The following IL1RAPL2 variants were observed in gnomAD, a reference collection of about 807,000 sequenced individuals.
IL1RAPL2 encodes interleukin 1 receptor accessory protein like 2.
In IL1RAPL2, 3 loss-of-function variants were observed where a neutral mutation model predicts 44.1. The ratio of observed to expected loss-of-function variants is 0.07; its 90% CI spans 0.03 to 0.18. The LOEUF is 0.18. Among genes scored for constraint, IL1RAPL2 ranks in the 10% least tolerant of loss-of-function variants. IL1RAPL2 has a pLI of 1.00. For missense variants in IL1RAPL2, 391 were observed against 496.4 expected (o/e 0.79, Z 2.02); for synonymous variants, 181 against 178.8 (o/e 1.01, Z -0.10).
chrX:105,679,790 T>A (rs2037907460), intron 6 of IL1RAPL2, among the ~76,000 whole-genome samples: 1 of 111,711 alleles, frequency 9.0e-6, no homozygotes, highest in African/African-American at 3.3e-5. Flanking sequence ...GATCAAAAAA[T>A]AAGACATATC....
At chrX:105,238,947 A>G (rs1180870850) in intron 4 of IL1RAPL2, among the ~76,000 whole-genome samples, 7 of 111,707 alleles carry the variant, frequency 6.3e-5, no homozygotes, top group Non-Finnish European at 1.1e-4. Flanking sequence ...TTTTGAGAGA[A>G]TACAGTACAC....
intron 2 of IL1RAPL2, among the ~76,000 whole-genome samples, chrX:104,964,339 T>A (rs1274375144): frequency 9.2e-6 from 1 of 108,559 alleles, no homozygotes; most frequent in Non-Finnish European, 1.9e-5. Flanking sequence ...TGAGATGGAG[T>A]CTCGCTCTAT....
intron 2 of IL1RAPL2, among the ~76,000 whole-genome samples, chrX:104,877,143 G>A (rs374707290): frequency 4.5e-5 from 5 of 111,059 alleles, no homozygotes; most frequent in African/African-American, 1.6e-4. Context: ...TGGACATTTG[G>A]GTTGGTTCCA....
At chrX:105,523,536 T>A (rs1464571521) in intron 6 of IL1RAPL2, among the ~76,000 whole-genome samples, 2 of 111,617 alleles carry the variant, frequency 1.8e-5, no homozygotes, top group Non-Finnish European at 3.8e-5. Context: ...TGTTTTAAAA[T>A]CAACAAACAA....
At chrX:104,983,795 A>G (rs779438219) in intron 2 of IL1RAPL2, among the ~76,000 whole-genome samples, 2 of 107,095 alleles carry the variant, frequency 1.9e-5, no homozygotes, top group Non-Finnish European at 3.8e-5. Context: ...GTTACTTTCT[A>G]TTGATAATAC....
chrX:105,351,710 C>A (rs2035156507), intron 5 of IL1RAPL2, among the ~76,000 whole-genome samples: 1 of 110,473 alleles, frequency 9.1e-6, no homozygotes, highest in East Asian at 2.8e-4. Flanking sequence ...AGCAAACCAC[C>A]ATGGCGCATG....
chrX:104,713,445 TACTCTTGTTTTC>T (rs1339457572), intron 2 of IL1RAPL2, among the ~76,000 whole-genome samples: 4 of 110,970 alleles, frequency 3.6e-5, no homozygotes, highest in Non-Finnish European at 7.6e-5. Flanking sequence ...CCTTCCACCT[TACTCTTGTTTTC>T]ACTCAGGACA....
chrX:104,727,813 C>T (rs1286820216), intron 2 of IL1RAPL2, among the ~76,000 whole-genome samples: 5 of 108,296 alleles, frequency 4.6e-5, no homozygotes, highest in Non-Finnish European at 9.6e-5. Context: ...TTTTTTGCAG[C>T]AACATGGATG....
chrX:104,906,031 A>G lies in IL1RAPL2; in HGVS notation c.82+247036A>G, dbSNP rs1405188404. Among the ~76,000 whole-genome samples, 73 of 109,280 alleles carry G rather than the reference A, an allele frequency of 6.7e-4. 1 individual carries two copies. The East Asian group carries it at 0.019, about 28-fold the overall frequency. The allele number at this position is 109,280 out of a possible 115,157, so 94.9% of individuals were successfully genotyped here. A position where few individuals can be genotyped will look rare whatever the true frequency, so the allele number is the denominator to read the frequency against. ...AAGAGGTCCTTCACATCCCTTGTAA[A>G]TTGGATTCCTAGGTATTTTATTCTC... is the stretch of plus-strand genomic sequence containing the variant. On this transcript the variant is annotated intron_variant, in intron 2 of 10. Transcript: ENST00000372582.
chrX:104,891,761 C>T (rs945722657), intron 2 of IL1RAPL2, among the ~76,000 whole-genome samples: 1 of 111,639 alleles, frequency 9.0e-6, no homozygotes, highest in African/African-American at 3.3e-5. Context: ...TTGACTTCCT[C>T]TTTTCCTAAT....
intron 2 of IL1RAPL2, among the ~76,000 whole-genome samples, chrX:105,121,861 A>G (rs1175639246): frequency 9.0e-6 from 1 of 111,372 alleles, no homozygotes; most frequent in African/African-American, 3.3e-5. Flanking sequence ...TTATAATACT[A>G]ATTGATTTCA....
chrX:105,533,878 T>G (rs982160246), intron 6 of IL1RAPL2, among the ~76,000 whole-genome samples: 1 of 112,113 alleles, frequency 8.9e-6, no homozygotes, highest in Non-Finnish European at 1.9e-5. Context: ...GTTTCTGGTT[T>G]TCAGCCAAAA....
At chrX:104,854,753 A>G (rs1922312908) in intron 2 of IL1RAPL2, among the ~76,000 whole-genome samples, 1 of 111,664 alleles carries the variant, frequency 9.0e-6, no homozygotes, top group Non-Finnish European at 1.9e-5. Flanking sequence ...GTGTAAAGCA[A>G]TATCTAAAAG....
At chrX:104,952,685 C>T (rs1364830018) in intron 2 of IL1RAPL2, among the ~76,000 whole-genome samples, 1 of 111,352 alleles carries the variant, frequency 9.0e-6, no homozygotes, top group Non-Finnish European at 1.9e-5. Context: ...TTCATATCAT[C>T]TGATCCCCTC....
At position 104,815,145 on chromosome X, in the gene IL1RAPL2, T is replaced by A. The variant is rs768941213; in HGVS notation, c.82+156150T>A. ...TTCAATAGTGGAGAAAAAAGAAAAA[T>A]CTAAGAAAGCAAATAATTGGGATAG... On this transcript the variant is annotated intron_variant, in intron 2 of 10. Transcript: ENST00000372582. Among the ~76,000 whole-genome samples the A allele has an allele frequency of 3.6e-5, 4 of 111,412 alleles. No homozygotes were observed. In the Admixed American group the frequency reaches 3.8e-4, roughly 11 times the overall value.
intron 2 of IL1RAPL2, among the ~76,000 whole-genome samples, chrX:105,033,494 G>A (rs1219977106): frequency 9.2e-6 from 1 of 108,825 alleles, no homozygotes; most frequent in Non-Finnish European, 1.9e-5. Context: ...GCTTAGTTTG[G>A]CTGGATATGA....
intron 2 of IL1RAPL2, among the ~76,000 whole-genome samples, chrX:104,772,743 T>C (rs1932658651): frequency 8.9e-6 from 1 of 111,830 alleles, no homozygotes; most frequent in Non-Finnish European, 1.9e-5. Flanking sequence ...AAATCTTCTG[T>C]GTATTTTGAT....
chrX:105,690,765 A>G (rs773870109), intron 6 of IL1RAPL2, among the ~76,000 whole-genome samples: 1 of 112,071 alleles, frequency 8.9e-6, no homozygotes, highest in South Asian at 3.7e-4. Context: ...CCTCTAAGAT[A>G]CTTTATATTC....
At chrX:104,970,747 A>G (rs1239487275) in intron 2 of IL1RAPL2, among the ~76,000 whole-genome samples, 5 of 111,488 alleles carry the variant, frequency 4.5e-5, no homozygotes, top group Non-Finnish European at 9.4e-5. Flanking sequence ...TCCCCCTTCA[A>G]AGATTAAATA....
Sources: gnomAD v4.1 joint callset for allele counts (sites outside exome capture counted in the v4.1 genomes callset) on GRCh38, gnomAD v4.1.1 for gene constraint, MANE v1.5 for transcripts, NCBI Gene and HGNC (gene_info 2026-07-23, HGNC 2026-07-21) for gene names.